ASH1L: variants seen among roughly 807,000 people sequenced by gnomAD.
The protein encoded by ASH1L is histone-lysine N-methyltransferase ASH1L.
ASH1L carries 23 observed loss-of-function variants against 269.0 expected under a neutral mutation model. The observed-to-expected ratio is 0.09, with a 90% CI of 0.06 to 0.12. ASH1L has a LOEUF of 0.12. Among genes scored for constraint, ASH1L ranks in the 10% least tolerant of loss-of-function variants. ASH1L has a pLI of 1.00. For synonymous variants in ASH1L, 1,187 were observed against 1,253.5 expected (o/e 0.95, Z 1.12); for missense variants, 2,912 against 3,567.8 (o/e 0.82, Z 4.68).
chr1:155,361,383 G>A (rs1654923601), intron 12 of ASH1L, among the ~76,000 whole-genome samples: 1 of 151,880 alleles, frequency 6.6e-6, no homozygotes, highest in African/African-American at 2.4e-5. Flanking sequence ...CGGGCATGGT[G>A]GTGTGCACCT....
chr1:155,558,903 T>C (rs559490254), intron 1 of ASH1L, among the ~76,000 whole-genome samples: 6 of 150,486 alleles, frequency 4.0e-5, no homozygotes, highest in African/African-American at 1.5e-4. Flanking sequence ...TGGCGTACAG[T>C]GGTGGATCTC....
Position 155,480,719 on chromosome 1 carries a change from A to G in ASH1L, c.2151T>C (p.Pro717=). 6.2e-7 allele frequency: 1 copy of G among 1,613,696 alleles called. No individual in the cohort carries two copies. The highest frequency in any genetic ancestry group is 8.5e-7 in the Non-Finnish European group (1 of 1,179,966). Residue 717 remains proline, a synonymous_variant, in exon 3 of 28, where the codon CCT becomes CCC. Coordinates refer to ENST00000392403, the MANE Select transcript of ASH1L (RefSeq NM_018489.3). ...TTCTTGCCACCACTTTAGTCCACCGAGGTTTTCTTCCTTTTCTTTTTTTTA... is the reference window on the plus strand; with the variant it reads ...TTCTTGCCACCACTTTAGTCCACCGGGGTTTTCTTCCTTTTCTTTTTTTTA... The part of the protein sequence containing the change: ...KPLKKRKGRK[P]RWTKVVARST...
intron 4 of ASH1L, among the ~76,000 whole-genome samples, chr1:155,448,093 C>G (rs1195331123): frequency 2.6e-5 from 4 of 152,052 alleles, no homozygotes; most frequent in African/African-American, 9.7e-5. Flanking sequence ...TCCAGTATTC[C>G]CAGCACTATT....
rs1464806069 is a variant in ASH1L at position 155,347,756 on chromosome 1, G to A, written c.7703C>T (p.Ser2568Phe). Reference sequence around the variant, plus strand: ...CTTCTCATGCCCATTCTCCTTTTCAGAGACTGAGGTCTCACTGCTGTCTGC... The same window carrying A: ...CTTCTCATGCCCATTCTCCTTTTCAAAGACTGAGGTCTCACTGCTGTCTGC... ...SEADSSETSV[S>F]EKENGHEKDD... Residue 2568 changes from serine (S) to phenylalanine (F), a missense_variant, in exon 20 of 28, where the codon TCT becomes TTT. By Grantham distance (155) the Ser-to-Phe change is radical. Around this residue, in one of 13 missense-constraint regions of ASH1L, gnomAD observed 309 missense variants for 435.1 expected, o/e 0.71. Coordinates refer to ENST00000392403, the MANE Select transcript of ASH1L (RefSeq NM_018489.3). 3.1e-6 allele frequency: 5 copies of A among 1,614,210 alleles called. No individual in the cohort carries two copies. Among genetic ancestry groups the A allele is most frequent in the Non-Finnish European group, 4.2e-6 (5 of 1,180,034 alleles).
rs1376200925 is a variant in ASH1L, at chr1:155,459,800, T to C, written c.5083A>G (p.Thr1695Ala). 8.7e-6 allele frequency: 14 copies of C among 1,611,394 alleles called. No individual in the cohort carries two copies. Among genetic ancestry groups the C allele is most frequent in the Non-Finnish European group, 1.1e-5 (13 of 1,178,072 alleles). The change falls in exon 4 of 28, where the codon ACA (threonine) becomes GCA (alanine). Residue 1695 changes from threonine (T) to alanine (A), a missense_variant. This residue lies in a region of ASH1L where 789 missense variants were observed against 897.6 expected (regional missense o/e 0.88). Transcript: ENST00000392403. Reference protein sequence around the residue: ...KRSSSESTSSTVNGVPSRSPR... With the variant: ...KRSSSESTSSAVNGVPSRSPR... ...TGGTAAAACAAATAGCACTAGCCTG[T>C]TGAAGAAGTACTCTCAGATGAAGAC...
chr1:155,345,326 G>A (rs1019586338), intron 21 of ASH1L, among the ~76,000 whole-genome samples: 1 of 149,842 alleles, frequency 6.7e-6, no homozygotes, highest in Non-Finnish European at 1.5e-5. Context: ...GATTACAGGC[G>A]CCTGCCACTG....
chr1:155,475,892 G>A (rs1472380116), intron 3 of ASH1L, among the ~76,000 whole-genome samples: 2 of 151,990 alleles, frequency 1.3e-5, no homozygotes, highest in Non-Finnish European at 2.9e-5. Context: ...TTAACAACAC[G>A]TAATGTGATT....
intron 13 of ASH1L, 61 bp downstream of exon 13, chr1:155,360,240 A>G: frequency 3.5e-6 from 4 of 1,127,444 alleles, no homozygotes; most frequent in Non-Finnish European, 5.4e-6. Context: ...CAGAAAGCTC[A>G]TGTTATTACA....
chr1:155,366,220 C>T (rs925660034), intron 12 of ASH1L, among the ~76,000 whole-genome samples: 1 of 152,152 alleles, frequency 6.6e-6, no homozygotes, highest in Non-Finnish European at 1.5e-5. Context: ...ATCTGGGCGT[C>T]CTCACTACTA....
In ASH1L at chr1:155,480,265, G is replaced by T; in HGVS notation, c.2605C>A (p.Gln869Lys). 2 of 1,614,162 alleles carry T rather than the reference G, an allele frequency of 1.2e-6. No individual in the cohort carries two copies. Among genetic ancestry groups the T allele is most frequent in the Non-Finnish European group, 1.7e-6 (2 of 1,180,014 alleles). ...AAGGAAGGGATTTCAATTTCTGGCT[G>T]TAAAATTGGGGGTTCTTGTTCTTCC... Reference protein sequence around the residue: ...SKEEQEPPILQPEIEIPSFKQ... With the variant: ...SKEEQEPPILKPEIEIPSFKQ... The change falls in exon 3 of 28, where the codon CAG becomes AAG. Residue 869 changes from glutamine to lysine, a missense_variant. Gln to Lys is a moderately conservative substitution (Grantham distance 53, BLOSUM62 1). Around this residue, in one of 13 missense-constraint regions of ASH1L, gnomAD observed 715 missense variants for 721.0 expected, o/e 0.99. Coordinates refer to ENST00000392403, the MANE Select transcript of ASH1L (RefSeq NM_018489.3).
intron 1 of ASH1L, among the ~76,000 whole-genome samples, chr1:155,531,699 A>C (rs1410899264): frequency 6.6e-6 from 1 of 152,208 alleles, no homozygotes; most frequent in Non-Finnish European, 1.5e-5. Context: ...TAACATGATC[A>C]AGGAGAAAAA....
chr1:155,477,247 T>C (rs1206440565), intron 3 of ASH1L, among the ~76,000 whole-genome samples: 1 of 152,204 alleles, frequency 6.6e-6, no homozygotes, highest in Non-Finnish European at 1.5e-5. Flanking sequence ...TACAATTCTT[T>C]CTAGATGTAC....
chr1:155,505,207 C>T lies in ASH1L; in HGVS notation c.420+15893G>A, dbSNP rs186604612. ...AACTGAGAAAACCCTGTGAGACATCCTAAGTGTGCATTTTCCCTTTATTAT... is the reference window on the plus strand; with the variant it reads ...AACTGAGAAAACCCTGTGAGACATCTTAAGTGTGCATTTTCCCTTTATTAT... On this transcript the variant is annotated intron_variant, in intron 2 of 27. Coordinates refer to ENST00000392403, the MANE Select transcript of ASH1L (RefSeq NM_018489.3). Among the ~76,000 whole-genome samples, 116 of 152,276 alleles carry T rather than the reference C, an allele frequency of 7.6e-4. 1 individual carries two copies. The highest frequency in any genetic ancestry group is 1.1e-3 in the Non-Finnish European group (77 of 68,014).
Position 155,562,189 on chromosome 1 carries a change from G to C in ASH1L, c.-136C>G. 1 of 1,604,330 alleles carries C rather than the reference G, an allele frequency of 6.2e-7. No homozygotes were observed. The highest frequency in any genetic ancestry group is 8.5e-7 in the Non-Finnish European group (1 of 1,172,134). ...CCGAGGCCGAGGCCGAGAGCGATGAGAGTGCAGGGAAGTGGGGAAGAGGGG... is the reference window on the plus strand; with the variant it reads ...CCGAGGCCGAGGCCGAGAGCGATGACAGTGCAGGGAAGTGGGGAAGAGGGG... On this transcript the variant is annotated 5_prime_UTR_variant, in exon 1 of 28. Transcript: ENST00000392403.
chr1:155,510,313 C>T (rs1158851790), intron 2 of ASH1L, among the ~76,000 whole-genome samples: 1 of 147,944 alleles, frequency 6.8e-6, no homozygotes, highest in African/African-American at 2.5e-5. Flanking sequence ...ACTCAAGAGG[C>T]TGAGGCAAGA....
At position 155,479,532 on chromosome 1, in the gene ASH1L, C is replaced by T. The variant is rs1225778787; in HGVS notation, c.3338G>A (p.Gly1113Glu). 16 of 1,614,090 alleles carry T rather than the reference C, an allele frequency of 9.9e-6. No individual in the cohort carries two copies. Among genetic ancestry groups the T allele is most frequent in the African/African-American group, 1.3e-5 (1 of 75,034 alleles). The change falls in exon 3 of 28, where the codon GGG (glycine) becomes GAG (glutamate). Residue 1113 changes from glycine to glutamate, a missense_variant. By Grantham distance (98) the Gly-to-Glu change is moderately conservative. This residue lies in a region of ASH1L where 157 missense variants were observed against 154.6 expected (regional missense o/e 1.02). Coordinates refer to ENST00000392403, the MANE Select transcript of ASH1L (RefSeq NM_018489.3). ...TACAGGGCTCTGACCTCCACTAGTCCCAGAAGACTGAGAGCAAATAGGTGA... is the reference window on the plus strand; with the variant it reads ...TACAGGGCTCTGACCTCCACTAGTCTCAGAAGACTGAGAGCAAATAGGTGA... ...LPSPICSQSS[G>E]TSGGQSPVSS...
At chr1:155,399,054 T>C (rs1287181550) in intron 6 of ASH1L, among the ~76,000 whole-genome samples, 1 of 152,138 alleles carries the variant, frequency 6.6e-6, no homozygotes, top group South Asian at 2.1e-4. Flanking sequence ...CAGGATAAAA[T>C]TTGGCACTTA....
At chr1:155,549,629 A>G (rs1293847580) in intron 1 of ASH1L, among the ~76,000 whole-genome samples, 1 of 151,964 alleles carries the variant, frequency 6.6e-6, no homozygotes, top group Non-Finnish European at 1.5e-5. Flanking sequence ...AGTCTCAAAA[A>G]AAAAAAAAAA....
chr1:155,559,217 T>A (rs1044962139), intron 1 of ASH1L, among the ~76,000 whole-genome samples: 2 of 152,058 alleles, frequency 1.3e-5, no homozygotes, highest in Non-Finnish European at 2.9e-5. Flanking sequence ...TTTGCCTTCT[T>A]CTCAAACCAA....
Sources: allele counts gnomAD v4.1 joint callset (sites outside exome capture counted in the v4.1 genomes callset), GRCh38; gene constraint gnomAD v4.1.1; regional missense constraint gnomAD v4.1.1; transcripts MANE v1.5; gene names NCBI Gene and HGNC (gene_info 2026-07-23, HGNC 2026-07-21).